XPNPEP3: variants seen among roughly 807,000 people sequenced by gnomAD.
The protein encoded by XPNPEP3 is X-prolyl aminopeptidase 3.
Under a neutral mutation model 60.0 loss-of-function variants are expected in XPNPEP3, and 41 were observed. The ratio of observed to expected loss-of-function variants is 0.68; its 90% confidence interval spans 0.53 to 0.89. The LOEUF is 0.89. Ranked by LOEUF, XPNPEP3 falls within the 40% of genes least tolerant of loss-of-function variation. The pLI is 0.00. For missense variants in XPNPEP3, 598 were observed against 638.9 expected, an observed-to-expected ratio of 0.94 and a Z score of 0.69; for synonymous variants, 212 against 223.2, an observed-to-expected ratio of 0.95 and a Z score of 0.45.
intron 1 of XPNPEP3, chr22:40,862,534 C>G: frequency 1.0e-6 from 1 of 985,452 alleles, no homozygotes; most frequent in Non-Finnish European, 1.2e-6. Flanking sequence ...GAGATACAAA[C>G]AAGTAACTTA....
chr22:40,899,817 CA>C (rs1336628860), intron 4 of XPNPEP3, among the ~76,000 whole-genome samples: 3,796 of 54,242 alleles, frequency 0.07, 126 homozygotes, highest in African/African-American at 0.18. Context: ...GACTCTATCT[CA>C]AAAAAAAAAA....
intron 2 of XPNPEP3, among the ~76,000 whole-genome samples, chr22:40,877,462 T>A (rs1204486199): frequency 6.6e-6 from 1 of 152,228 alleles, no homozygotes; most frequent in Non-Finnish European, 1.5e-5. Context: ...CTTTGTTATA[T>A]CTTCCTTTCT....
intron 4 of XPNPEP3, chr22:40,907,079 T>C: frequency 2.2e-6 from 1 of 456,286 alleles, no homozygotes; most frequent in Non-Finnish European, 4.4e-6. Context: ...GCAACGTGAA[T>C]TTTGGAGGGG....
chr22:40,858,522 CTTTTTTTTT>C (rs34319696), intron 1 of XPNPEP3, among the ~76,000 whole-genome samples: 1 of 85,472 alleles, frequency 1.2e-5, no homozygotes, highest in East Asian at 4.4e-4. Flanking sequence ...GCTGGAGAAG[CTTTTTTTTT>C]TTTTTTTTTT....
intron 4 of XPNPEP3, among the ~76,000 whole-genome samples, chr22:40,895,823 T>G (rs1215051366): frequency 1.3e-5 from 2 of 152,146 alleles, no homozygotes; most frequent in Admixed American, 1.3e-4. Flanking sequence ...TCTTAAGTTC[T>G]TCATTAAGAG....
At chr22:40,904,029 A>G (rs2058145145) in intron 4 of XPNPEP3, among the ~76,000 whole-genome samples, 1 of 152,156 alleles carries the variant, frequency 6.6e-6, no homozygotes, top group Non-Finnish European at 1.5e-5. Context: ...AATGCAAAGA[A>G]AGCCCATTTT....
At chr22:40,858,528 T>TA (rs2057919329) in intron 1 of XPNPEP3, among the ~76,000 whole-genome samples, 1 of 143,942 alleles carries the variant, frequency 6.9e-6, no homozygotes, top group Non-Finnish European at 1.5e-5. Flanking sequence ...GAAGCTTTTT[T>TA]TTTTTTTTTT....
chr22:40,862,922 T>C (rs2057958809), intron 1 of XPNPEP3: 1 of 230,160 alleles, frequency 4.3e-6, no homozygotes, highest in East Asian at 1.8e-4. Context: ...TTTAAGATAA[T>C]GCGATATGTG....
chr22:40,862,167 A>C, intron 1 of XPNPEP3: 1 of 1,420,590 alleles, frequency 7.0e-7, no homozygotes, highest in Non-Finnish European at 9.2e-7. Context: ...TTATGTGGCA[A>C]GCAGAGTTAC....
rs149674813 is a variant in XPNPEP3 at position 40,914,890 on chromosome 22, G to T, written c.1055+566G>T. Among the ~76,000 whole-genome samples, 572 of 152,044 alleles carry T rather than the reference G, an allele frequency of 3.8e-3. 2 individuals are homozygous for T. The highest frequency in any genetic ancestry group is 0.012 in the African/African-American group (511 of 41,448). ...TAAAGGCACTAGAGATCCCTTTGTAGCTCATGAGTGTGATGATTGGGTGTT... is the reference window on the plus strand; with the variant it reads ...TAAAGGCACTAGAGATCCCTTTGTATCTCATGAGTGTGATGATTGGGTGTT... On this transcript the variant is annotated intron_variant, in intron 7 of 9. Transcript: ENST00000357137.
rs961032254 is a variant in XPNPEP3, at chr22:40,929,891, A to T, written c.*3456A>T. The T allele has an allele frequency of 7.2e-5, 11 of 152,250 alleles. No homozygotes were observed. The highest frequency in any genetic ancestry group is 2.4e-4 in the African/African-American group (10 of 41,548). 9.4% of individuals were successfully genotyped at this position (152,250 alleles called of 1,614,324 possible). ...TATTAACTGTTACTGGATATCAAAT[A>T]ATTTTATTTTTCTAATAGTATTTTC... On this transcript the variant is annotated 3_prime_UTR_variant, in exon 10 of 10. Transcript: ENST00000357137.
intron 3 of XPNPEP3, among the ~76,000 whole-genome samples, chr22:40,884,894 G>T (rs1344852805): frequency 1.3e-5 from 2 of 151,788 alleles, no homozygotes; most frequent in Non-Finnish European, 2.9e-5. Flanking sequence ...TGGACGTGGT[G>T]GCATGCGCCT....
rs748370876 is a variant in XPNPEP3 at position 40,886,332 on chromosome 22, G to A, written c.609G>A (p.Trp203Ter). ...TCTAAGCTGAGACGAACATGGTTTG[G>A]TATGACTGGATGAGGCCCTCACATG... Reference protein sequence around the residue: ...PKMKAETNMVWYDWMRPSHAQ... With the variant: ...PKMKAETNMV The change falls in exon 4 of 10, where the codon TGG (tryptophan) becomes TGA (stop). Residue 203 changes from tryptophan to a stop codon, truncating the protein, a stop_gained. Transcript: ENST00000357137. LOFTEE classifies it high-confidence loss of function. 5 of 1,614,006 alleles carry A rather than the reference G, an allele frequency of 3.1e-6. No homozygotes were observed. Among genetic ancestry groups the A allele is most frequent in the South Asian group, 2.2e-5 (2 of 91,070 alleles).
In XPNPEP3 at chr22:40,924,386, C is replaced by T; in HGVS notation, c.1261C>T (p.His421Tyr). The change falls in exon 9 of 10, where the codon CAT (histidine) becomes TAT (tyrosine). Residue 421 changes from histidine to tyrosine, a missense_variant. His to Tyr is a moderately conservative substitution (Grantham distance 83, BLOSUM62 2). Transcript: ENST00000357137. ...FKAARKYCPH[H>Y]VGHYLGMDVH... ...GGCTGCTCGAAAATACTGTCCTCAT[C>T]ATGTTGGCCACTACCTCGGGATGGA... is the stretch of plus-strand genomic sequence containing the variant. 1.2e-6 allele frequency: 2 copies of T among 1,614,152 alleles called. No homozygotes were observed. Among genetic ancestry groups the T allele is most frequent in the Non-Finnish European group, 1.7e-6 (2 of 1,180,016 alleles).
intron 4 of XPNPEP3, among the ~76,000 whole-genome samples, chr22:40,903,810 A>C (rs2058144049): frequency 6.6e-6 from 1 of 151,906 alleles, no homozygotes. Flanking sequence ...TTTTTAAAAT[A>C]AGGAAGCTAA....
At chr22:40,865,936 C>T (rs1225809163) in intron 1 of XPNPEP3, among the ~76,000 whole-genome samples, 3 of 152,180 alleles carry the variant, frequency 2.0e-5, no homozygotes, top group Non-Finnish European at 4.4e-5. Context: ...GGGTAATACC[C>T]ATTCCCAGGG....
At chr22:40,875,169 ATTTGTT>A (rs1445752490) in intron 2 of XPNPEP3, among the ~76,000 whole-genome samples, 1 of 151,816 alleles carries the variant, frequency 6.6e-6, no homozygotes, top group Non-Finnish European at 1.5e-5. Flanking sequence ...ATGTAATTTT[ATTTGTT>A]TTTGTTTTTG....
chr22:40,902,030 G>T (rs887047454), intron 4 of XPNPEP3, among the ~76,000 whole-genome samples: 5 of 150,840 alleles, frequency 3.3e-5, no homozygotes. Flanking sequence ...AAAAAATCAA[G>T]AATGAATTAG....
intron 4 of XPNPEP3, among the ~76,000 whole-genome samples, chr22:40,904,042 A>G (rs150693083): frequency 5.0e-4 from 76 of 152,274 alleles, no homozygotes; most frequent in African/African-American, 1.7e-3. Context: ...CCCATTTTAC[A>G]TTTTTTAACA....
Sources: gnomAD v4.1 joint callset for allele counts (sites outside exome capture counted in the v4.1 genomes callset) on GRCh38, gnomAD v4.1.1 for gene constraint, MANE v1.5 for transcripts, NCBI Gene and HGNC (gene_info 2026-07-23, HGNC 2026-07-21) for gene names.